ADGRB2: variants seen among roughly 807,000 people sequenced by gnomAD.
The protein encoded by ADGRB2 is adhesion G protein-coupled receptor B2, also known as brain-specific angiogenesis inhibitor 2.
In ADGRB2, 47 loss-of-function variants were observed where a neutral mutation model predicts 178.7. That is an observed-to-expected ratio of 0.26 (90% CI 0.21 to 0.34). ADGRB2 has a LOEUF of 0.34. Among genes scored for constraint, ADGRB2 ranks in the 10% least tolerant of loss-of-function variants. The pLI is 1.00. For synonymous variants in ADGRB2, 870 were observed against 912.4 expected (o/e 0.95, Z 0.84); for missense variants, 1,584 against 2,180.8 (o/e 0.73, Z 5.45).
At chr1:31,762,182 A>T (rs145410934) in intron 1 of ADGRB2, among the ~76,000 whole-genome samples, 8 of 152,176 alleles carry the variant, frequency 5.3e-5, no homozygotes, top group African/African-American at 1.9e-4. Flanking sequence ...AGTGATACAG[A>T]AAGGGGGCAG....
chr1:31,733,278 G>T lies in ADGRB2; in HGVS notation c.3453-135C>A. On this transcript the variant is annotated intron_variant, in intron 25 of 32. Transcript: ENST00000373658. This position sits in a 1 kb window ranked among gnomAD's most constrained non-coding sequence, Gnocchi z 4.3. ...CCCCAAACCCCAGGGCCTCAGTAAT[G>T]TCCCCAAGCAGAGAGGGGCTGAGGA... 1.1e-6 allele frequency: 1 copy of T among 933,366 alleles called. No homozygotes were observed. Among genetic ancestry groups the T allele is most frequent in the Non-Finnish European group, 1.6e-6 (1 of 635,256 alleles). 57.8% of individuals were successfully genotyped at this position (933,366 alleles called of 1,614,324 possible).
intron 1 of ADGRB2, 46 bp from the exon 2 acceptor site, chr1:31,757,557 C>T (rs140492507): frequency 9.7e-6 from 3 of 309,330 alleles, no homozygotes; most frequent in East Asian, 6.1e-5. Flanking sequence ...GGACATTGGG[C>T]TTGAGCCCCA....
At position 31,756,278 on chromosome 1, in the gene ADGRB2, G is replaced by A. The variant is rs1033216304; in HGVS notation, c.559C>T (p.Leu187Phe). ...TGGCTAGAGTTGTTGTTGTTGATGA[G>A]CAAGACCTCGACAAAGCGGAAGGCT... Reference protein sequence around the residue: ...ALAFRFVEVLLINNNNSSQFT... With the variant: ...ALAFRFVEVLFINNNNSSQFT... The change falls in exon 4 of 33, where the codon CTC becomes TTC. Residue 187 changes from leucine to phenylalanine, a missense_variant. Coordinates refer to ENST00000373658, the MANE Select transcript of ADGRB2 (RefSeq NM_001364857.2). The surrounding 1 kb of genome is among the most constrained non-coding windows in gnomAD (Gnocchi z 8.5). The A allele has an allele frequency of 1.2e-6, 2 of 1,613,210 alleles. No homozygotes were observed. The highest frequency in any genetic ancestry group is 1.7e-6 in the Non-Finnish European group (2 of 1,179,966).
chr1:31,740,054 A>C lies in ADGRB2; in HGVS notation c.2059-20T>G. On this transcript the variant is annotated intron_variant, in intron 13 of 32. Transcript: ENST00000373658. The surrounding 1 kb of genome is among the most constrained non-coding windows in gnomAD (Gnocchi z 5.9). ...GGACACCTGGGGACAGAAAGTGTGTAAGGGTCCAAGGCAGGGTGGGTCACG... is the reference window on the plus strand; with the variant it reads ...GGACACCTGGGGACAGAAAGTGTGTCAGGGTCCAAGGCAGGGTGGGTCACG... 3 of 1,614,164 alleles carry C rather than the reference A, an allele frequency of 1.9e-6. No homozygotes were observed. Among genetic ancestry groups the C allele is most frequent in the Non-Finnish European group, 2.5e-6 (3 of 1,179,980 alleles).
chr1:31,762,325 C>T (rs1178048578), intron 1 of ADGRB2, among the ~76,000 whole-genome samples: 4 of 152,152 alleles, frequency 2.6e-5, no homozygotes, highest in Non-Finnish European at 5.9e-5. Context: ...CCACACTGCC[C>T]CTCACCCCAG....
intron 4 of ADGRB2, among the ~76,000 whole-genome samples, chr1:31,752,754 T>C (rs551339881): frequency 2.7e-5 from 4 of 149,944 alleles, no homozygotes; most frequent in Non-Finnish European, 5.9e-5. Flanking sequence ...GGGGATTTGC[T>C]GGGGGCTCGA....
At chr1:31,732,188 G>A in intron 27 of ADGRB2, 34 bp from the exon 28 acceptor site, 1 of 1,613,826 alleles carries the variant, frequency 6.2e-7, no homozygotes. Context: ...GGTGGGCAGA[G>A]GGAGGATTAA....
At chr1:31,732,078 C>T (rs754996667) in intron 28 of ADGRB2, 37 bp downstream of exon 28, 2 of 1,613,582 alleles carry the variant, frequency 1.2e-6, no homozygotes, top group Non-Finnish European at 1.7e-6. Context: ...CTTCTCCAAC[C>T]CCAGGACCAT....
rs1645976227 is a variant in ADGRB2 at position 31,741,658 on chromosome 1, C to A, written c.1653G>T (p.Glu551Asp). 6.2e-7 allele frequency: 1 copy of A among 1,614,106 alleles called. No individual in the cohort carries two copies. Among genetic ancestry groups the A allele is most frequent in the East Asian group, 2.2e-5 (1 of 44,886 alleles). Residue 551 changes from glutamate (E) to aspartate (D), a missense_variant, in exon 10 of 33, where the codon GAG becomes GAT. By Grantham distance (45) the Glu-to-Asp change is conservative. This residue lies in a region of ADGRB2 where 657 missense variants were observed against 847.6 expected (regional missense o/e 0.78). Transcript: ENST00000373658. This position sits in a 1 kb window ranked among gnomAD's most constrained non-coding sequence, Gnocchi z 6.5. Reference protein sequence around the residue: ...LMTWKKAAAGEIIYNKCPPNA... With the variant: ...LMTWKKAAAGDIIYNKCPPNA... ...TCGGGGGGCACTTGTTGTAGATGAT[C>A]TCGCCAGCAGCTGCCTTCTTCCACG...
At position 31,733,291 on chromosome 1, in the gene ADGRB2, G is replaced by T; in HGVS notation, c.3453-148C>A. On this transcript the variant is annotated intron_variant, in intron 25 of 32. Coordinates refer to ENST00000373658, the MANE Select transcript of ADGRB2 (RefSeq NM_001364857.2). This position sits in a 1 kb window ranked among gnomAD's most constrained non-coding sequence, Gnocchi z 4.3. Reference sequence around the variant, plus strand: ...GGCCTCAGTAATGTCCCCAAGCAGAGAGGGGCTGAGGAGCCAGAGCCAGAG... The same window carrying T: ...GGCCTCAGTAATGTCCCCAAGCAGATAGGGGCTGAGGAGCCAGAGCCAGAG... 1 of 822,842 alleles carries T rather than the reference G, an allele frequency of 1.2e-6. No individual in the cohort carries two copies. The highest frequency in any genetic ancestry group is 1.9e-6 in the Non-Finnish European group (1 of 538,174). The allele number at this position is 822,842 out of a possible 1,614,324, so 51.0% of individuals were successfully genotyped here. A position where few individuals can be genotyped will look rare whatever the true frequency, so the allele number is the denominator to read the frequency against.
intron 8 of ADGRB2, 22 bp downstream of exon 8, chr1:31,742,031 C>A: frequency 6.3e-7 from 1 of 1,591,794 alleles, no homozygotes. Flanking sequence ...TGCAACTTGC[C>A]ACCACTGTGC....
chr1:31,738,786 C>A (rs1645771875), intron 16 of ADGRB2, 46 bp downstream of exon 16: 1 of 1,609,046 alleles, frequency 6.2e-7, no homozygotes, highest in East Asian at 2.2e-5. Context: ...CCTCTGGCCA[C>A]CCAGGTTGAG....
In ADGRB2 at chr1:31,741,348, C is replaced by T; in HGVS notation, c.1794+25G>A. On this transcript the variant is annotated intron_variant, in intron 11 of 32. Coordinates refer to ENST00000373658, the MANE Select transcript of ADGRB2 (RefSeq NM_001364857.2). The surrounding 1 kb of genome is among the most constrained non-coding windows in gnomAD (Gnocchi z 6.5). ...AGAGTCTGAGACAGATTCTGCTGTG[C>T]CCCAGCCCAGCAGGGTGCACTCACT... is the stretch of plus-strand genomic sequence containing the variant. 1.3e-6 allele frequency: 2 copies of T among 1,574,594 alleles called. No individual in the cohort carries two copies. Among genetic ancestry groups the T allele is most frequent in the South Asian group, 1.2e-5 (1 of 86,508 alleles).
Position 31,756,892 on chromosome 1 carries a change from G to A in ADGRB2, c.22-77C>T. Reference sequence around the variant, plus strand: ...CTGAACCTTCTATGGTGAGCTGCGGGAGTGGGCCTCATAAGTTAAGACCCT... The same window carrying A: ...CTGAACCTTCTATGGTGAGCTGCGGAAGTGGGCCTCATAAGTTAAGACCCT... On this transcript the variant is annotated intron_variant, in intron 3 of 32. Transcript: ENST00000373658. This position sits in a 1 kb window ranked among gnomAD's most constrained non-coding sequence, Gnocchi z 8.5. 1 of 1,364,054 alleles carries A rather than the reference G, an allele frequency of 7.3e-7. No individual in the cohort carries two copies. The highest frequency in any genetic ancestry group is 9.8e-7 in the Non-Finnish European group (1 of 1,022,392). The allele number at this position is 1,364,054 out of a possible 1,614,324, so 84.5% of individuals were successfully genotyped here.
Position 31,738,458 on chromosome 1 carries a change from G to C in ADGRB2, c.2645+129C>G, listed in dbSNP as rs1645748689. 2.6e-6 allele frequency: 4 copies of C among 1,530,356 alleles called. No homozygotes were observed. The Admixed American group carries it at 7.7e-5, about 29-fold the overall frequency. 94.8% of individuals were successfully genotyped at this position (1,530,356 alleles called of 1,614,324 possible). On this transcript the variant is annotated intron_variant, in intron 17 of 32. Transcript: ENST00000373658. ...ACGAGGCAACAGCAGGGAGTCCCAG[G>C]ATACGTTCTTGACCCCTTAGGCTAG...
At position 31,739,404 on chromosome 1, in the gene ADGRB2, TG is replaced by T; in HGVS notation, c.2398del (p.His800ThrfsTer16). ...GTVPPGPGHS[H>X]QRLLPADPDE... ...AGGGTCTGCTGGGAGGAGGCGCTGG[TG>T]GGAGTGGCCTGGGCCAGGAGGCACC... On this transcript the variant is annotated frameshift_variant, in exon 15 of 33. Transcript: ENST00000373658. LOFTEE classifies it high-confidence loss of function. 1 of 1,556,280 alleles carries T rather than the reference TG, an allele frequency of 6.4e-7. No individual in the cohort carries two copies. The highest frequency in any genetic ancestry group is 8.7e-7 in the Non-Finnish European group (1 of 1,150,874).
Position 31,735,600 on chromosome 1 carries a change from T to C in ADGRB2, c.3333A>G (p.Lys1111=). Reference sequence around the variant, plus strand: ...CTTACCCGGCCCTCTGCTTCTTGGATTTGTCGGAGATGCCATCACGTGCCA... The same window carrying C: ...CTTACCCGGCCCTCTGCTTCTTGGACTTGTCGGAGATGCCATCACGTGCCA... ...KLMARDGISD[K]SKKQRAGSER... The change falls in exon 24 of 33, where the codon AAA becomes AAG. Residue 1111 remains lysine, a synonymous_variant. Coordinates refer to ENST00000373658, the MANE Select transcript of ADGRB2 (RefSeq NM_001364857.2). This position sits in a 1 kb window ranked among gnomAD's most constrained non-coding sequence, Gnocchi z 6.0. The C allele has an allele frequency of 1.2e-6, 2 of 1,613,790 alleles. No individual in the cohort carries two copies. The highest frequency in any genetic ancestry group is 1.7e-6 in the Non-Finnish European group (2 of 1,179,850).
chr1:31,741,751 C>G lies in ADGRB2; in HGVS notation c.1586-26G>C. 1 of 1,604,998 alleles carries G rather than the reference C, an allele frequency of 6.2e-7. No homozygotes were observed. The highest frequency in any genetic ancestry group is 8.5e-7 in the Non-Finnish European group (1 of 1,173,382). On this transcript the variant is annotated intron_variant, in intron 9 of 32. Coordinates refer to ENST00000373658, the MANE Select transcript of ADGRB2 (RefSeq NM_001364857.2). This position sits in a 1 kb window ranked among gnomAD's most constrained non-coding sequence, Gnocchi z 6.5. ...CTGTGGGTGCAGGGGTAAGGTTCAG[C>G]TGGGTCCACACATGGGGCCCCCAGC... is the stretch of plus-strand genomic sequence containing the variant.
intron 15 of ADGRB2, 73 bp downstream of exon 15, chr1:31,739,235 G>C: frequency 7.3e-7 from 1 of 1,378,488 alleles, no homozygotes; most frequent in East Asian, 2.6e-5. Context: ...GCCAGCACTG[G>C]CTCAGTCCTC....
Sources: allele counts gnomAD v4.1 joint callset (sites outside exome capture counted in the v4.1 genomes callset), GRCh38; gene constraint gnomAD v4.1.1; regional missense constraint gnomAD v4.1.1; non-coding constraint Gnocchi (gnomAD v3.1); transcripts MANE v1.5; gene names NCBI Gene and HGNC (gene_info 2026-07-23, HGNC 2026-07-21).